Variants in CDH13 observed in about 807,000 individuals in gnomAD.
CDH13 encodes cadherin 13.
CDH13 carries 24 observed loss-of-function variants against 63.8 expected under a neutral mutation model. The ratio of observed to expected loss-of-function variants is 0.38; its 90% CI spans 0.27 to 0.53. CDH13 has a LOEUF of 0.53. CDH13 is among the 20% of genes least tolerant of loss of function. The pLI is 0.85. For synonymous variants in CDH13, 503 were observed against 355.3 expected, an observed-to-expected ratio of 1.42 and a Z score of -4.67; for missense variants, 1,049 against 903.1, an observed-to-expected ratio of 1.16 and a Z score of -2.07.
intron 1 of CDH13, among the ~76,000 whole-genome samples, chr16:82,731,570 C>A (rs972657981): frequency 2.6e-5 from 4 of 152,162 alleles, no homozygotes; most frequent in African/African-American, 7.2e-5. Context: ...GAAATTCTGA[C>A]TTAGGTCATT....
chr16:82,775,016 A>G (rs1395353423), intron 1 of CDH13, among the ~76,000 whole-genome samples: 2 of 152,158 alleles, frequency 1.3e-5, no homozygotes, highest in Non-Finnish European at 2.9e-5. Flanking sequence ...ACTCTACCTA[A>G]TGGCCCTAGA....
At chr16:83,378,993 A>G (rs1032447584) in intron 6 of CDH13, among the ~76,000 whole-genome samples, 1 of 140,138 alleles carries the variant, frequency 7.1e-6, no homozygotes, top group African/African-American at 2.6e-5. Context: ...ACATGCATCT[A>G]TATATATATA....
intron 8 of CDH13, among the ~76,000 whole-genome samples, chr16:83,625,284 A>G (rs1320079819): frequency 1.3e-5 from 2 of 152,002 alleles, no homozygotes; most frequent in Non-Finnish European, 2.9e-5. Flanking sequence ...ATCTTTGCAG[A>G]TCCGTGGTCT....
intron 7 of CDH13, among the ~76,000 whole-genome samples, chr16:83,576,019 T>A (rs9927965): frequency 6.6e-5 from 10 of 152,262 alleles, no homozygotes; most frequent in African/African-American, 1.4e-4. Flanking sequence ...TCACATAACA[T>A]GAAACTAACC....
At chr16:83,148,492 C>G (rs2036844691) in intron 4 of CDH13, among the ~76,000 whole-genome samples, 1 of 152,198 alleles carries the variant, frequency 6.6e-6, no homozygotes, top group African/African-American at 2.4e-5. Flanking sequence ...TGCCATTCAC[C>G]AGCCAGATGA....
At chr16:83,094,472 G>C (rs1299622384) in intron 3 of CDH13, among the ~76,000 whole-genome samples, 1 of 152,194 alleles carries the variant, frequency 6.6e-6, no homozygotes, top group Non-Finnish European at 1.5e-5. Flanking sequence ...ACCCTTCTGT[G>C]TTGTCCTTAC....
At chr16:83,217,174 C>T (rs1266136161) in intron 4 of CDH13, among the ~76,000 whole-genome samples, 171 bp from the exon 5 acceptor site, 3 of 152,158 alleles carry the variant, frequency 2.0e-5, no homozygotes, top group East Asian at 1.9e-4. Context: ...GGATGAAAGG[C>T]GTTAGGCAGT....
At chr16:82,794,488 C>T (rs2036483779) in intron 1 of CDH13, among the ~76,000 whole-genome samples, 2 of 151,308 alleles carry the variant, frequency 1.3e-5, no homozygotes, top group South Asian at 4.2e-4. Flanking sequence ...TATTTCCCTT[C>T]AGAGACCAAC....
At chr16:83,217,581 C>A in intron 5 of CDH13, 84 bp downstream of exon 5, 2 of 1,410,800 alleles carry the variant, frequency 1.4e-6, no homozygotes, top group Non-Finnish European at 2.0e-6. Flanking sequence ...CTCATTATTT[C>A]TGTGCCTCAT....
At chr16:83,362,053 A>G (rs963063183) in intron 6 of CDH13, among the ~76,000 whole-genome samples, 54 of 152,264 alleles carry the variant, frequency 3.5e-4, no homozygotes, top group African/African-American at 1.3e-3. Flanking sequence ...ACTTTAAGGA[A>G]TCTCCATCTA....
chr16:83,423,905 T>C (rs1307311757), intron 6 of CDH13, among the ~76,000 whole-genome samples: 2 of 152,204 alleles, frequency 1.3e-5, no homozygotes, highest in Admixed American at 1.3e-4. Flanking sequence ...CCTATGGCAG[T>C]CTGGGACGTG....
chr16:83,492,277 A>G (rs1375998979), intron 7 of CDH13, among the ~76,000 whole-genome samples: 2 of 152,208 alleles, frequency 1.3e-5, no homozygotes, highest in African/African-American at 4.8e-5. Context: ...TCTTAGGAAA[A>G]TAAATGTTTT....
rs565201828 is a variant in CDH13, at chr16:83,716,248, C to T, written c.1539-31860C>T. On this transcript the variant is annotated intron_variant, in intron 10 of 13. Transcript: ENST00000567109. ...CACCAAACTGGGACATTCGTTACAACTAATGAACCTACCTTGACACGTCAT... is the reference window on the plus strand; with the variant it reads ...CACCAAACTGGGACATTCGTTACAATTAATGAACCTACCTTGACACGTCAT... Among the ~76,000 whole-genome samples, 7 of 152,232 alleles carry T rather than the reference C, an allele frequency of 4.6e-5. No homozygotes were observed. The South Asian group carries it at 1.4e-3, about 32-fold the overall frequency.
rs978441641 is a variant in CDH13, at chr16:83,796,119, A to G, written c.*1089A>G. Reference sequence around the variant, plus strand: ...TGACTACCGTTGTTTGCAAACCCGAAAATAAAAGACGTTCATTATGTATGA... The same window carrying G: ...TGACTACCGTTGTTTGCAAACCCGAGAATAAAAGACGTTCATTATGTATGA... On this transcript the variant is annotated 3_prime_UTR_variant, in exon 14 of 14. Transcript: ENST00000567109. 1 of 152,670 alleles carries G rather than the reference A, an allele frequency of 6.6e-6. No individual in the cohort carries two copies. Among genetic ancestry groups the G allele is most frequent in the South Asian group, 2.1e-4 (1 of 4,832 alleles). 9.5% of individuals were successfully genotyped at this position (152,670 alleles called of 1,614,324 possible). A position where few individuals can be genotyped will look rare whatever the true frequency, so the allele number is the denominator to read the frequency against.
At chr16:83,311,790 C>A (rs2090005939) in intron 5 of CDH13, among the ~76,000 whole-genome samples, 1 of 152,134 alleles carries the variant, frequency 6.6e-6, no homozygotes, top group Non-Finnish European at 1.5e-5. Context: ...AAAAGAAGAA[C>A]CTTGCCAGGT....
intron 5 of CDH13, among the ~76,000 whole-genome samples, chr16:83,305,410 G>C (rs550274630): frequency 1.5e-4 from 23 of 152,318 alleles, no homozygotes; most frequent in African/African-American, 5.1e-4. Flanking sequence ...CTCTTTGCTG[G>C]AAGGACCATT....
At chr16:82,783,696 A>T (rs1417597320) in intron 1 of CDH13, among the ~76,000 whole-genome samples, 2 of 152,240 alleles carry the variant, frequency 1.3e-5, no homozygotes, top group African/African-American at 4.8e-5. Flanking sequence ...TCTCGGCTAC[A>T]TATGTATTGC....
At chr16:83,710,811 C>G (rs16961397) in intron 10 of CDH13, among the ~76,000 whole-genome samples, 2 of 152,098 alleles carry the variant, frequency 1.3e-5, no homozygotes, top group African/African-American at 2.4e-5. Context: ...GCTTGTTATT[C>G]GGAACGGGAG....
intron 7 of CDH13, among the ~76,000 whole-genome samples, chr16:83,511,142 GCA>G (rs1243231958): frequency 2.0e-5 from 3 of 150,348 alleles, no homozygotes; most frequent in Admixed American, 6.7e-5. Flanking sequence ...ACACATGCAC[GCA>G]CATGCACACA....
Sources: allele counts gnomAD v4.1 joint callset (sites outside exome capture counted in the v4.1 genomes callset), GRCh38; gene constraint gnomAD v4.1.1; transcripts MANE v1.5; gene names NCBI Gene and HGNC (gene_info 2026-07-23, HGNC 2026-07-21).